The following ANO1 variants were observed in gnomAD, a reference collection of about 807,000 sequenced individuals.
ANO1 encodes anoctamin 1.
ANO1 carries 59 observed loss-of-function variants against 124.0 expected under a neutral mutation model. That is an observed-to-expected ratio of 0.48 (90% CI 0.39 to 0.59). The LOEUF (loss-of-function observed/expected upper bound fraction) is 0.59. Ranked by LOEUF, ANO1 falls within the 20% of genes least tolerant of loss-of-function variation. ANO1 has a pLI of 0.00. For synonymous variants in ANO1, 529 were observed against 532.0 expected (o/e 0.99, Z 0.08); for missense variants, 1,059 against 1,328.0 (o/e 0.80, Z 3.15).
At chr11:69,987,023 C>G (rs868981456) in intron 1 of ANO1, among the ~76,000 whole-genome samples, 7 of 152,256 alleles carry the variant, frequency 4.6e-5, no homozygotes, top group Middle Eastern at 3.4e-3. Flanking sequence ...ATTCTTCCCC[C>G]CTCCCTCCCC....
At chr11:69,974,919 G>GAC in the ANO1 span, among the ~76,000 whole-genome samples, 2 of 150,860 alleles carry the variant, frequency 1.3e-5, no homozygotes, top group African/African-American at 4.9e-5. Flanking sequence ...AAGAGATTAG[G>GAC]ACACACACAC....
chr11:69,971,929 G>A, the ANO1 span, among the ~76,000 whole-genome samples: 1 of 152,120 alleles, frequency 6.6e-6, no homozygotes, highest in Admixed American at 6.5e-5. Context: ...GCAAAGAAAA[G>A]TGAAAGCGAG....
chr11:69,998,076 C>T (rs376698809), intron 1 of ANO1, among the ~76,000 whole-genome samples: 1 of 152,310 alleles, frequency 6.6e-6, no homozygotes, highest in African/African-American at 2.4e-5. Flanking sequence ...TGGACAGAGA[C>T]CCTCCTGGAC....
At chr11:70,021,209 G>C (rs1555002602) in intron 1 of ANO1, 2 of 152,168 alleles carry the variant, frequency 1.3e-5, no homozygotes, top group African/African-American at 2.4e-5. Context: ...TCAGCAAAAA[G>C]AGAAAGAAAA....
intron 1 of ANO1, among the ~76,000 whole-genome samples, chr11:69,991,747 G>T (rs1225265519): frequency 2.0e-5 from 3 of 152,160 alleles, no homozygotes; most frequent in Non-Finnish European, 2.9e-5. Flanking sequence ...ACAATTCCAG[G>T]AGCTGGGATA....
chr11:69,973,820 C>T, the ANO1 span, among the ~76,000 whole-genome samples: 7 of 150,186 alleles, frequency 4.7e-5, no homozygotes, highest in Non-Finnish European at 8.9e-5. Context: ...TGCAGTGAGT[C>T]GAGATCATGC....
chr11:70,080,555 TAAGA>T (rs2044170611), intron 1 of ANO1, among the ~76,000 whole-genome samples: 1 of 152,152 alleles, frequency 6.6e-6, no homozygotes, highest in Admixed American at 6.5e-5. Context: ...GAATGTTCAA[TAAGA>T]AATGGAGCCT....
intron 1 of ANO1, among the ~76,000 whole-genome samples, chr11:70,032,120 C>G (rs372092408): frequency 1.3e-5 from 2 of 152,158 alleles, no homozygotes; most frequent in African/African-American, 2.4e-5. Context: ...AGGAAAGGAC[C>G]TGGGCTGTTA....
intron 2 of ANO1, among the ~76,000 whole-genome samples, chr11:70,093,874 G>A (rs920127410): frequency 1.1e-4 from 17 of 152,256 alleles, no homozygotes; most frequent in East Asian, 7.7e-4. Flanking sequence ...CTCCGAGTGC[G>A]GGTTCAGACC....
intron 1 of ANO1, among the ~76,000 whole-genome samples, chr11:70,047,768 T>C (rs1555005839): frequency 2.0e-5 from 3 of 152,228 alleles, no homozygotes; most frequent in African/African-American, 7.2e-5. Flanking sequence ...TCAGCATCAA[T>C]TAGAACAGTC....
At chr11:70,176,089 T>C (rs1340937505) in intron 22 of ANO1, among the ~76,000 whole-genome samples, 2 of 151,708 alleles carry the variant, frequency 1.3e-5, no homozygotes, top group Non-Finnish European at 2.9e-5. Context: ...ATCTAAGGTA[T>C]ACATTGGTTT....
chr11:70,139,619 C>T lies in ANO1; in HGVS notation c.1258+7540C>T, dbSNP rs1037237442. On this transcript the variant is annotated intron_variant, in intron 11 of 25. Coordinates refer to ENST00000355303, the MANE Select transcript of ANO1 (RefSeq NM_018043.7). Reference sequence around the variant, plus strand: ...GATTACAGGTGTAAGCCACCACGCCCGGCCTGCACCAAATATTCTTTACCC... The same window carrying T: ...GATTACAGGTGTAAGCCACCACGCCTGGCCTGCACCAAATATTCTTTACCC... Among the ~76,000 whole-genome samples, 13 of 152,212 alleles carry T rather than the reference C, an allele frequency of 8.5e-5. No homozygotes were observed. The East Asian group carries it at 9.6e-4, about 11-fold the overall frequency.
intron 1 of ANO1, among the ~76,000 whole-genome samples, chr11:69,986,728 C>A (rs567147424): frequency 1.3e-5 from 2 of 152,246 alleles, no homozygotes; most frequent in South Asian, 2.1e-4. Flanking sequence ...ACTTCCTCCC[C>A]CCTGGCTGCA....
intron 1 of ANO1, among the ~76,000 whole-genome samples, chr11:70,054,866 G>C (rs1440398673): frequency 6.6e-6 from 1 of 151,942 alleles, no homozygotes; most frequent in Non-Finnish European, 1.5e-5. Context: ...TTCTTTTTAG[G>C]CTCAAATGCA....
At chr11:70,116,242 G>A (rs569644364) in intron 7 of ANO1, among the ~76,000 whole-genome samples, 12 of 152,306 alleles carry the variant, frequency 7.9e-5, no homozygotes, top group African/African-American at 2.9e-4. Flanking sequence ...GGTGGTGGAG[G>A]CCAACAGGGC....
At chr11:69,975,340 C>T in the ANO1 span, among the ~76,000 whole-genome samples, 2 of 152,222 alleles carry the variant, frequency 1.3e-5, no homozygotes, top group Non-Finnish European at 2.9e-5. Context: ...GGACAGCCCC[C>T]CTCCCCAAAA....
intron 22 of ANO1, among the ~76,000 whole-genome samples, chr11:70,176,599 A>G (rs866448443): frequency 1.4e-4 from 22 of 152,274 alleles, no homozygotes; most frequent in Middle Eastern, 3.4e-3. Context: ...GTAAATGTTT[A>G]TCAGACTCAA....
Position 70,131,945 on chromosome 11 carries a change from A to G in ANO1, c.1124A>G (p.Asn375Ser), listed in dbSNP as rs188611001. 2 of 1,608,996 alleles carry G rather than the reference A, an allele frequency of 1.2e-6. No homozygotes were observed. Among genetic ancestry groups the G allele is most frequent in the Admixed American group, 1.7e-5 (1 of 59,974 alleles). ...PSMEMCDQRH[N>S]ITMCPLCDKT... ...ATGGAGATGTGTGACCAGAGACACAATATCACCATGTGCCCGCTTTGCGAC... is the reference window on the plus strand; with the variant it reads ...ATGGAGATGTGTGACCAGAGACACAGTATCACCATGTGCCCGCTTTGCGAC... The change falls in exon 11 of 26, where the codon AAT (asparagine) becomes AGT (serine). Residue 375 changes from asparagine to serine, a missense_variant. Asn to Ser is a conservative substitution (Grantham distance 46, BLOSUM62 1). Coordinates refer to ENST00000355303, the MANE Select transcript of ANO1 (RefSeq NM_018043.7).
chr11:70,175,179 C>T (rs901372204), intron 22 of ANO1, among the ~76,000 whole-genome samples: 3 of 152,254 alleles, frequency 2.0e-5, no homozygotes, highest in African/African-American at 7.2e-5. Context: ...CCTCTGCAGG[C>T]ATTGGCGTCC....
Sources: gnomAD v4.1 joint callset for allele counts (sites outside exome capture counted in the v4.1 genomes callset) on GRCh38, gnomAD v4.1.1 for gene constraint, MANE v1.5 for transcripts, NCBI Gene and HGNC (gene_info 2026-07-23, HGNC 2026-07-21) for gene names.